Variants in SLFN12 observed in about 807,000 individuals in gnomAD.
SLFN12 encodes the protein ribonuclease SLFN12.
A neutral mutation model predicts 29.1 loss-of-function variants in SLFN12; 25 were observed. The ratio of observed to expected loss-of-function variants is 0.86; its 90% CI spans 0.63 to 1.20. The LOEUF (loss-of-function observed/expected upper bound fraction) is 1.20. SLFN12 is among the 50% of genes most tolerant of loss of function. The pLI is 0.00. For synonymous variants in SLFN12, 257 were observed against 238.7 expected (o/e 1.08, Z -0.71); for missense variants, 660 against 666.2 (o/e 0.99, Z 0.10).
In SLFN12 at chr17:35,425,838, C is replaced by CTTTTTTTTTTTT. The variant is rs58492425; in HGVS notation, c.-40-2782_-40-2771dup. ...GGTTCTTTTTCTTTTCTTTTCTTTT[C>CTTTTTTTTTTTT]TTTTTTTTTTTTTTTTTTTTTTTTT... On this transcript the variant is annotated intron_variant, in intron 1 of 3. Coordinates refer to ENST00000304905, the MANE Select transcript of SLFN12 (RefSeq NM_018042.5). Among the ~76,000 whole-genome samples the CTTTTTTTTTTTT allele has an allele frequency of 2.6e-3, 102 of 39,144 alleles. 9 individuals carry two copies. Among genetic ancestry groups the CTTTTTTTTTTTT allele is most frequent in the African/African-American group, 3.6e-3 (32 of 8,960 alleles). The allele number at this position is 39,144 out of a possible 152,430, so 25.7% of individuals were successfully genotyped here.
intron 3 of SLFN12, among the ~76,000 whole-genome samples, chr17:35,415,804 A>G (rs1911278701): frequency 6.6e-6 from 1 of 152,188 alleles, no homozygotes; most frequent in African/African-American, 2.4e-5. Flanking sequence ...TAAGTCCACA[A>G]TGAGACCATC....
intron 1 of SLFN12, among the ~76,000 whole-genome samples, chr17:35,430,010 T>C (rs999706095): frequency 6.6e-6 from 1 of 151,954 alleles, no homozygotes; most frequent in Admixed American, 6.6e-5. Context: ...TAGCTCTGCT[T>C]GAACACTGCA....
At chr17:35,421,916 C>T (rs1201199067) in intron 2 of SLFN12, 74 bp downstream of exon 2, 3 of 1,538,894 alleles carry the variant, frequency 1.9e-6, no homozygotes, top group Middle Eastern at 1.7e-4. Context: ...TTGATCTTGC[C>T]CCAGATCCCA....
chr17:35,413,501 A>C (rs1185507082), intron 3 of SLFN12, among the ~76,000 whole-genome samples: 1 of 152,102 alleles, frequency 6.6e-6, no homozygotes, highest in African/African-American at 2.4e-5. Flanking sequence ...TAATCCCAGC[A>C]CTTTGGGAGG....
intron 1 of SLFN12, among the ~76,000 whole-genome samples, chr17:35,424,683 C>T (rs753835249): frequency 6.6e-5 from 10 of 152,114 alleles, no homozygotes; most frequent in Non-Finnish European, 1.5e-4. Context: ...GTGGATACCA[C>T]CTGTGTCCAT....
chr17:35,428,585 G>A (rs1342978755), intron 1 of SLFN12, among the ~76,000 whole-genome samples: 2 of 152,066 alleles, frequency 1.3e-5, no homozygotes, highest in African/African-American at 4.8e-5. Flanking sequence ...ATTGGACCTA[G>A]CATTCATTCA....
chr17:35,428,038 G>A (rs908064440), intron 1 of SLFN12, among the ~76,000 whole-genome samples: 26 of 152,048 alleles, frequency 1.7e-4, no homozygotes, highest in African/African-American at 5.6e-4. Flanking sequence ...GAAAGAGTCT[G>A]AATCTGTGGA....
intron 1 of SLFN12, 81 bp from the exon 2 acceptor site, chr17:35,423,149 A>C: frequency 2.7e-6 from 4 of 1,455,696 alleles, no homozygotes; most frequent in Non-Finnish European, 3.6e-6. Context: ...AATGCAAAAA[A>C]ATCCTGTGCT....
chr17:35,429,197 C>T (rs1181865349), intron 1 of SLFN12, among the ~76,000 whole-genome samples: 1 of 152,040 alleles, frequency 6.6e-6, no homozygotes, highest in African/African-American at 2.4e-5. Context: ...GGACAGAAAT[C>T]ACATCTCACC....
rs368746922 is a variant in SLFN12 at position 35,422,852 on chromosome 17, G to T, written c.177C>A (p.Ile59=). ...CALLNSGGGV[I]KAEIENEDYS... Reference sequence around the variant, plus strand: ...AGTCTTCATTCTCAATTTCAGCCTTGATCACTCCCCCTCCAGAATTGAGCA... The same window carrying T: ...AGTCTTCATTCTCAATTTCAGCCTTTATCACTCCCCCTCCAGAATTGAGCA... Residue 59 remains isoleucine (I), a synonymous_variant, in exon 2 of 4, where the codon ATC becomes ATA. Coordinates refer to ENST00000304905, the MANE Select transcript of SLFN12 (RefSeq NM_018042.5). The T allele has an allele frequency of 1.9e-5, 30 of 1,613,744 alleles. No homozygotes were observed. Among genetic ancestry groups the T allele is most frequent in the Non-Finnish European group, 2.4e-5 (28 of 1,179,940 alleles).
chr17:35,423,136 GCAA>G (rs1911806598), intron 1 of SLFN12, 68 bp from the exon 2 acceptor site: 16 of 1,479,556 alleles, frequency 1.1e-5, no homozygotes, highest in Non-Finnish European at 1.4e-5. Context: ...GTATTATGAG[GCAA>G]ATGCAAAAAA....
intron 2 of SLFN12, chr17:35,420,854 T>C (rs1421873112): frequency 1.3e-5 from 2 of 152,316 alleles, no homozygotes; most frequent in Non-Finnish European, 2.9e-5. Context: ...TAGTACAAAT[T>C]AGGGCTACTA....
At position 35,422,485 on chromosome 17, in the gene SLFN12, C is replaced by CG. The variant is rs755538010; in HGVS notation, c.543dup (p.Gly182ArgfsTer5). 3.1e-6 allele frequency: 5 copies of CG among 1,612,096 alleles called. No individual in the cohort carries two copies. Among genetic ancestry groups the CG allele is most frequent in the Non-Finnish European group, 4.2e-6 (5 of 1,179,580 alleles). ...AGTTCTGTTCTATCAAAAAAAACCC[C>CG]GGCCAAGGCCTTCATGTTATTTTCT... On this transcript the variant is annotated frameshift_variant, in exon 2 of 4. Transcript: ENST00000304905. LOFTEE classifies it high-confidence loss of function.
intron 1 of SLFN12, among the ~76,000 whole-genome samples, chr17:35,424,109 T>C (rs778182989): frequency 8.5e-5 from 13 of 152,172 alleles, no homozygotes; most frequent in Non-Finnish European, 1.6e-4. Context: ...TAAAATCTAT[T>C]AGGATCACTG....
chr17:35,418,723 T>C (rs1488545221), intron 3 of SLFN12, among the ~76,000 whole-genome samples: 2 of 152,136 alleles, frequency 1.3e-5, no homozygotes, highest in East Asian at 3.8e-4. Flanking sequence ...AGTAATATGA[T>C]GAAGGTGGCA....
At chr17:35,415,833 C>A (rs1170782024) in intron 3 of SLFN12, among the ~76,000 whole-genome samples, 7 of 152,020 alleles carry the variant, frequency 4.6e-5, no homozygotes, top group Non-Finnish European at 1.0e-4. Context: ...GCAAGAATGG[C>A]CATAATTAAA....
intron 1 of SLFN12, chr17:35,431,917 G>C (rs116549814): frequency 6.6e-6 from 1 of 152,076 alleles, no homozygotes; most frequent in Non-Finnish European, 1.5e-5. Flanking sequence ...GAGAAGCTGC[G>C]TCACACATAG....
intron 1 of SLFN12, among the ~76,000 whole-genome samples, chr17:35,423,340 T>C (rs73989720): frequency 0.017 from 2,559 of 152,230 alleles, 80 homozygotes; most frequent in African/African-American, 0.059. Flanking sequence ...TCCCTAATAT[T>C]GTACAACCTG....
chr17:35,413,486 G>T (rs954998371), intron 3 of SLFN12, among the ~76,000 whole-genome samples: 1 of 152,004 alleles, frequency 6.6e-6, no homozygotes, highest in Non-Finnish European at 1.5e-5. Flanking sequence ...AGTGGCTCAC[G>T]CCTGTAATCC....
Sources: gnomAD v4.1 joint callset for allele counts (sites outside exome capture counted in the v4.1 genomes callset) on GRCh38, gnomAD v4.1.1 for gene constraint, MANE v1.5 for transcripts, NCBI Gene and HGNC (gene_info 2026-07-23, HGNC 2026-07-21) for gene names.